ATP8A1: variants seen among roughly 807,000 people sequenced by gnomAD.
The protein encoded by ATP8A1 is ATPase phospholipid transporting 8A1.
ATP8A1 carries 90 observed loss-of-function variants against 177.7 expected under a neutral mutation model. The observed-to-expected ratio is 0.51, with a 90% CI of 0.43 to 0.60. The LOEUF is 0.60. Among genes scored for constraint, ATP8A1 ranks in the 20% least tolerant of loss-of-function variants. The pLI is 0.00. For synonymous variants in ATP8A1, 493 were observed against 485.9 expected (o/e 1.01, Z -0.19); for missense variants, 1,072 against 1,392.8 (o/e 0.77, Z 3.67).
At chr4:42,589,830 T>C (rs1020931569) in intron 7 of ATP8A1, among the ~76,000 whole-genome samples, 2 of 146,116 alleles carry the variant, frequency 1.4e-5, no homozygotes, top group African/African-American at 2.5e-5. Context: ...ATTCTGACAA[T>C]TAGAATAATA....
At position 42,635,754 on chromosome 4, in the gene ATP8A1, TACAC is replaced by T. The variant is rs375888383; in HGVS notation, c.50-8649_50-8646del. 8.8e-3 allele frequency among the ~76,000 whole-genome samples: 718 copies of T among 81,690 alleles called. 24 individuals carry two copies. The highest frequency in any genetic ancestry group is 0.043 in the Middle Eastern group (6 of 138). The allele number at this position is 81,690 out of a possible 152,430, so 53.6% of individuals were successfully genotyped here. ...ACATACACACATATATACATATATA[TACAC>T]ACACACACACACACACACACACACA... On this transcript the variant is annotated intron_variant, in intron 1 of 36. Coordinates refer to ENST00000381668, the MANE Select transcript of ATP8A1 (RefSeq NM_006095.2).
chr4:42,626,157 T>C (rs1738050618), intron 2 of ATP8A1: 1 of 152,526 alleles, frequency 6.6e-6, no homozygotes, highest in Non-Finnish European at 1.5e-5. Context: ...CAGGGAGATC[T>C]CTGGGGTTCT....
intron 22 of ATP8A1, among the ~76,000 whole-genome samples, chr4:42,516,675 T>A (rs1725567859): frequency 6.6e-6 from 1 of 152,246 alleles, no homozygotes; most frequent in East Asian, 1.9e-4. Flanking sequence ...CACGCCTTCA[T>A]ATTTCAAACA....
intron 35 of ATP8A1, among the ~76,000 whole-genome samples, chr4:42,416,538 T>C (rs1157681346): frequency 6.6e-6 from 1 of 152,216 alleles, no homozygotes; most frequent in Non-Finnish European, 1.5e-5. Context: ...TCTTCTTTTA[T>C]ATCAAGTTAA....
intron 24 of ATP8A1, among the ~76,000 whole-genome samples, chr4:42,501,233 T>C (rs1723823122): frequency 6.6e-6 from 1 of 152,356 alleles, no homozygotes; most frequent in Non-Finnish European, 1.5e-5. Flanking sequence ...ATGATCACTA[T>C]GCAAAACAAC....
intron 8 of ATP8A1, among the ~76,000 whole-genome samples, chr4:42,586,874 TTC>T (rs1302154115): frequency 2.0e-5 from 3 of 152,164 alleles, no homozygotes; most frequent in African/African-American, 7.2e-5. Flanking sequence ...ATAGCTTTGT[TTC>T]TCTTTTTTTA....
chr4:42,545,252 A>G (rs1270779562), intron 19 of ATP8A1, among the ~76,000 whole-genome samples: 1 of 151,890 alleles, frequency 6.6e-6, no homozygotes, highest in East Asian at 1.9e-4. Context: ...ATCCCTGTAC[A>G]TCAGGAATAC....
intron 29 of ATP8A1, 31 bp from the exon 30 acceptor site, chr4:42,452,090 T>C (rs1330108281): frequency 6.6e-7 from 1 of 1,521,382 alleles, no homozygotes; most frequent in East Asian, 2.3e-5. Context: ...ATGAGAACCA[T>C]TTGCGATAAA....
At chr4:42,475,446 C>T (rs1261954411) in intron 25 of ATP8A1, among the ~76,000 whole-genome samples, 2 of 126,164 alleles carry the variant, frequency 1.6e-5, no homozygotes. Context: ...AGACAAGACA[C>T]ATAATGAAAC....
At chr4:42,555,133 C>CCTATTAGT (rs1729994771) in intron 16 of ATP8A1, among the ~76,000 whole-genome samples, 3 of 73,880 alleles carry the variant, frequency 4.1e-5, no homozygotes, top group East Asian at 3.6e-4. Context: ...ATCTATCTAT[C>CCTATTAGT]TATCTAATCT....
chr4:42,544,034 CATGT>C lies in ATP8A1; in HGVS notation c.1653-52_1653-49del. ...AATGTGTCATCATACCAAGGATATG[CATGT>C]ATGTGTTTGTCATGCCTCACATATT... is the stretch of plus-strand genomic sequence containing the variant. On this transcript the variant is annotated intron_variant, in intron 19 of 36. Coordinates refer to ENST00000381668, the MANE Select transcript of ATP8A1 (RefSeq NM_006095.2). 3 of 1,441,712 alleles carry C rather than the reference CATGT, an allele frequency of 2.1e-6. No homozygotes were observed. In the South Asian group the frequency reaches 3.6e-5, roughly 17 times the overall value. The allele number at this position is 1,441,712 out of a possible 1,614,324, so 89.3% of individuals were successfully genotyped here.
chr4:42,414,527 T>C, intron 36 of ATP8A1, 100 bp downstream of exon 36: 3 of 1,032,498 alleles, frequency 2.9e-6, no homozygotes, highest in Non-Finnish European at 4.4e-6. Context: ...TTTTAGACAT[T>C]AGTTTTAAAT....
intron 33 of ATP8A1, among the ~76,000 whole-genome samples, chr4:42,438,936 AAATGTTGGTTCCCTTC>A (rs1316636467): frequency 2.0e-5 from 3 of 152,176 alleles, no homozygotes. Context: ...GGTACACAAT[AAATGTTGGTTCCCTTC>A]CCTCCCCAAC....
chr4:42,424,896 C>T (rs543460975), intron 33 of ATP8A1, among the ~76,000 whole-genome samples: 1 of 152,244 alleles, frequency 6.6e-6, no homozygotes, highest in Non-Finnish European at 1.5e-5. Context: ...AGTTTTGCCA[C>T]ATGGGTTCAA....
At chr4:42,492,984 T>C (rs1193405920) in intron 24 of ATP8A1, among the ~76,000 whole-genome samples, 1 of 152,224 alleles carries the variant, frequency 6.6e-6, no homozygotes, top group East Asian at 1.9e-4. Flanking sequence ...ATGGTGACTC[T>C]ACTGAAACGA....
chr4:42,477,356 T>C (rs1342781857), intron 25 of ATP8A1, among the ~76,000 whole-genome samples: 1 of 152,178 alleles, frequency 6.6e-6, no homozygotes, highest in African/African-American at 2.4e-5. Context: ...GTTATTAAGG[T>C]AGGGAAACAG....
At chr4:42,578,449 A>T (rs912312775) in intron 11 of ATP8A1, 62 bp from the exon 12 acceptor site, 17 of 1,563,278 alleles carry the variant, frequency 1.1e-5, no homozygotes, top group East Asian at 2.3e-5. Flanking sequence ...ATTGACCCCA[A>T]ATTAGCATAA....
chr4:42,572,107 T>C (rs1015073485), intron 14 of ATP8A1, among the ~76,000 whole-genome samples: 1 of 152,200 alleles, frequency 6.6e-6, no homozygotes, highest in African/African-American at 2.4e-5. Flanking sequence ...GCTCTGCACT[T>C]GTAACACCAA....
At chr4:42,542,165 G>T (rs573856283) in intron 20 of ATP8A1, among the ~76,000 whole-genome samples, 1 of 152,142 alleles carries the variant, frequency 6.6e-6, no homozygotes, top group Non-Finnish European at 1.5e-5. Context: ...GCTGAATTTT[G>T]CTGGGGACTT....
Sources: gnomAD v4.1 joint callset for allele counts (sites outside exome capture counted in the v4.1 genomes callset) on GRCh38, gnomAD v4.1.1 for gene constraint, MANE v1.5 for transcripts, NCBI Gene and HGNC (gene_info 2026-07-23, HGNC 2026-07-21) for gene names.